Variants in USP26 observed in about 807,000 individuals in gnomAD.
The protein encoded by USP26 is ubiquitin specific peptidase 26.
For missense variants in USP26, 649 were observed against 642.3 expected, an observed-to-expected ratio of 1.01 and a Z score of -0.11; for synonymous variants, 236 against 240.6, an observed-to-expected ratio of 0.98 and a Z score of 0.18.
chrX:133,027,593 A>G lies in USP26; in HGVS notation c.628T>C (p.Cys210Arg). 8.3e-7 allele frequency: 1 copy of G among 1,210,458 alleles called. No homozygotes were observed. Among genetic ancestry groups the G allele is most frequent in the Admixed American group, 2.2e-5 (1 of 45,931 alleles). ...SVEYKKSKAD[C>R]SRCVSYNREK... is the part of the protein sequence containing the mutation. ...CGATTATAGCTTACACACCTCGAAC[A>G]ATCTGCCTTGGATTTCTTGTATTCT... The change falls in exon 6 of 6, where the codon TGT becomes CGT. Residue 210 changes from cysteine to arginine, a missense_variant. Transcript: ENST00000511190.
intron 4 of USP26, among the ~76,000 whole-genome samples, chrX:133,089,125 AT>A (rs954074366): frequency 1.3e-3 from 136 of 104,078 alleles, no homozygotes; most frequent in East Asian, 3.3e-3. Context: ...AGAAATGAGG[AT>A]TTTTTTTTTT....
Position 133,027,410 on chromosome X carries a change from CTTG to C in USP26, c.808_810del (p.Gln270del), listed in dbSNP as rs2067356534. 2 of 1,209,622 alleles carry C rather than the reference CTTG, an allele frequency of 1.7e-6. No homozygotes were observed. Among genetic ancestry groups the C allele is most frequent in the Admixed American group, 2.2e-5 (1 of 45,704 alleles). Reference sequence around the variant, plus strand: ...CACTTTGTGTAACCGTCACTATACCCTTGTTGTAACAGAAATACCAAAACCATT... The same window carrying C: ...CACTTTGTGTAACCGTCACTATACCCTTGTAACAGAAATACCAAAACCATT... On this transcript the variant is annotated inframe_deletion, in exon 6 of 6. Transcript: ENST00000511190.
chrX:133,052,205 T>C (rs1469917240), intron 5 of USP26, among the ~76,000 whole-genome samples: 1 of 112,158 alleles, frequency 8.9e-6, no homozygotes, highest in African/African-American at 3.2e-5. Context: ...GAGTCCAAGA[T>C]GTGGCCCCAG....
intron 5 of USP26, among the ~76,000 whole-genome samples, chrX:133,082,262 T>C (rs1429107186): frequency 8.9e-6 from 1 of 112,160 alleles, no homozygotes; most frequent in African/African-American, 3.2e-5. Flanking sequence ...CTCTAGACTG[T>C]AGGTCCTTGA....
rs749035451 is a variant in USP26, at chrX:133,028,114, T to C, written c.107A>G (p.Asp36Gly). ...ACTTTTGAAATACAGCACCAGTCTA[T>C]CTTTCTTCTTTCTTTCCACTGCTTC... is the stretch of plus-strand genomic sequence containing the variant. ...FIEAVERKKK[D>G]RLVLYFKSGK... The change falls in exon 6 of 6, where the codon GAT becomes GGT. Residue 36 changes from aspartate (D) to glycine (G), a missense_variant. Asp to Gly is a moderately conservative substitution (Grantham distance 94, BLOSUM62 -1). Transcript: ENST00000511190. 4.1e-6 allele frequency: 5 copies of C among 1,211,319 alleles called. No homozygotes were observed. The highest frequency in any genetic ancestry group is 4.5e-6 in the Non-Finnish European group (4 of 895,224).
intron 5 of USP26, among the ~76,000 whole-genome samples, chrX:133,079,438 A>G (rs929078068): frequency 8.9e-6 from 1 of 112,160 alleles, no homozygotes; most frequent in African/African-American, 3.2e-5. Flanking sequence ...GATCATGAGC[A>G]GTGGAAGAAT....
chrX:133,084,583 G>A (rs937743168), intron 4 of USP26, among the ~76,000 whole-genome samples: 1 of 100,090 alleles, frequency 1.0e-5, no homozygotes, highest in Non-Finnish European at 2.0e-5. Flanking sequence ...GTGCGATCTC[G>A]GCTCATGGCA....
intron 5 of USP26, among the ~76,000 whole-genome samples, chrX:133,054,884 C>T (rs2067470443): frequency 8.9e-6 from 1 of 112,283 alleles, no homozygotes; most frequent in Non-Finnish European, 1.9e-5. Context: ...GCAGTGTTGA[C>T]AGTAAAATTA....
intron 5 of USP26, among the ~76,000 whole-genome samples, chrX:133,041,103 A>T (rs2067417505): frequency 9.0e-6 from 1 of 110,712 alleles, no homozygotes; most frequent in African/African-American, 3.3e-5. Context: ...ACTTTTTATC[A>T]AGGTTCTTCG....
chrX:133,069,332 C>T (rs1468656568), intron 5 of USP26, among the ~76,000 whole-genome samples: 1 of 111,496 alleles, frequency 9.0e-6, no homozygotes, highest in Non-Finnish European at 1.9e-5. Flanking sequence ...TGTTAGAGAA[C>T]AAATCTAAGG....
intron 5 of USP26, among the ~76,000 whole-genome samples, chrX:133,049,727 G>A (rs1454880947): frequency 1.8e-5 from 2 of 111,758 alleles, no homozygotes; most frequent in African/African-American, 6.5e-5. Flanking sequence ...CTAAGTATTT[G>A]GTTTTCATTG....
At chrX:133,093,721 C>A (rs960186167) in intron 1 of USP26, among the ~76,000 whole-genome samples, 1 of 110,842 alleles carries the variant, frequency 9.0e-6, no homozygotes, top group Non-Finnish European at 1.9e-5. Context: ...TGGCTCACGT[C>A]TATAATCTGA....
chrX:133,025,414 C>A lies in USP26; in HGVS notation c.*65G>T, dbSNP rs2067341357. On this transcript the variant is annotated 3_prime_UTR_variant, in exon 6 of 6. Transcript: ENST00000511190. ...CTGGATAAAGTTCACAGTTTTCCTTCCATGGAGGAAGTGGTATCGAGTGAG... is the reference window on the plus strand; with the variant it reads ...CTGGATAAAGTTCACAGTTTTCCTTACATGGAGGAAGTGGTATCGAGTGAG... 2 of 1,202,361 alleles carry A rather than the reference C, an allele frequency of 1.7e-6. No homozygotes were observed. The highest frequency in any genetic ancestry group is 2.2e-6 in the Non-Finnish European group (2 of 892,141).
chrX:133,027,046 T>C lies in USP26; in HGVS notation c.1175A>G (p.Asp392Gly), dbSNP rs1025275836. ...DAHEFLAHCL[D>G]QLKDNMEKLN... ...TTTTTCCATGTTATCTTTCAGTTGATCTAAACAGTGAGCTAAAAACTCATG... is the reference window on the plus strand; with the variant it reads ...TTTTTCCATGTTATCTTTCAGTTGACCTAAACAGTGAGCTAAAAACTCATG... Residue 392 changes from aspartate to glycine, a missense_variant, in exon 6 of 6, where the codon GAT becomes GGT. Transcript: ENST00000511190. The C allele has an allele frequency of 4.1e-6, 5 of 1,211,790 alleles. No individual in the cohort carries two copies. The highest frequency in any genetic ancestry group is 5.6e-6 in the Non-Finnish European group (5 of 895,456).
At chrX:133,061,240 G>C (rs1182454301) in intron 5 of USP26, among the ~76,000 whole-genome samples, 1 of 112,376 alleles carries the variant, frequency 8.9e-6, no homozygotes, top group African/African-American at 3.2e-5. Flanking sequence ...CAAGTCCTAA[G>C]ATACTGTACT....
At chrX:133,040,700 TG>T (rs1167606813) in intron 5 of USP26, among the ~76,000 whole-genome samples, 2 of 111,306 alleles carry the variant, frequency 1.8e-5, no homozygotes. Context: ...AGTATCTTAG[TG>T]GTATTCTCTG....
intron 5 of USP26, among the ~76,000 whole-genome samples, chrX:133,077,754 T>C (rs935422302): frequency 9.0e-6 from 1 of 111,596 alleles, no homozygotes; most frequent in South Asian, 3.8e-4. Context: ...AATAAATGAG[T>C]TCTCACTCTG....
chrX:133,064,405 C>A (rs2067504419), intron 5 of USP26, among the ~76,000 whole-genome samples: 1 of 111,825 alleles, frequency 8.9e-6, no homozygotes. Context: ...GAACTCTCCA[C>A]CCCAAATCAA....
chrX:133,096,047 ATTTTTTTTTTT>A (rs779131148), intron 1 of USP26, among the ~76,000 whole-genome samples: 18 of 36,539 alleles, frequency 4.9e-4, no homozygotes, highest in South Asian at 3.0e-3. Context: ...GCCCGGCCTA[ATTTTTTTTTTT>A]TTTTTTTTTT....
Sources: allele counts gnomAD v4.1 joint callset (sites outside exome capture counted in the v4.1 genomes callset), GRCh38; gene constraint gnomAD v4.1.1; transcripts MANE v1.5; gene names NCBI Gene and HGNC (gene_info 2026-07-23, HGNC 2026-07-21).